The following TMOD3 variants were observed in gnomAD, a reference collection of about 807,000 sequenced individuals.
TMOD3 encodes tropomodulin 3.
A neutral mutation model predicts 39.2 loss-of-function variants in TMOD3; 20 were observed. The ratio of observed to expected loss-of-function variants is 0.51; its 90% CI spans 0.36 to 0.74. The LOEUF is 0.74. TMOD3 is among the 30% of genes least tolerant of loss of function. TMOD3 has a pLI of 0.00. For missense variants in TMOD3, 381 were observed against 412.8 expected (o/e 0.92, Z 0.67); for synonymous variants, 143 against 145.8 (o/e 0.98, Z 0.14).
At position 51,910,311 on chromosome 15, in the gene TMOD3, A is replaced by C. The variant is rs1694440449; in HGVS notation, c.*1501A>C. The stretch of plus-strand genomic sequence containing the variant: ...CTTTTTGGGCCGGGCGCAGTGGCTC[A>C]CGCCTGTAATCCCAGCACTTTTGGG... On this transcript the variant is annotated 3_prime_UTR_variant, in exon 10 of 10. Coordinates refer to ENST00000308580, the MANE Select transcript of TMOD3 (RefSeq NM_014547.5). 1 of 152,292 alleles carries C rather than the reference A, an allele frequency of 6.6e-6. No individual in the cohort carries two copies. The highest frequency in any genetic ancestry group is 2.4e-5 in the African/African-American group (1 of 41,450). The allele number at this position is 152,292 out of a possible 1,614,324, so 9.4% of individuals were successfully genotyped here.
At chr15:51,858,456 A>G (rs1185635718) in intron 1 of TMOD3, 1 of 152,044 alleles carries the variant, frequency 6.6e-6, no homozygotes. Flanking sequence ...CAAGATAACC[A>G]GTAAACCAGA....
At chr15:51,869,430 G>A (rs1341074817) in intron 3 of TMOD3, 57 bp downstream of exon 3, 3 of 1,538,550 alleles carry the variant, frequency 1.9e-6, no homozygotes, top group African/African-American at 2.8e-5. Flanking sequence ...TCTTTTTATA[G>A]GTGGGTGTGG....
chr15:51,888,008 GCTAGAAGCTGTC>G (rs1329531120), intron 4 of TMOD3, among the ~76,000 whole-genome samples: 7 of 152,176 alleles, frequency 4.6e-5, no homozygotes, highest in Admixed American at 2.6e-4. Context: ...CTGGTGCTCA[GCTAGAAGCTGTC>G]CTATCTGAAC....
intron 3 of TMOD3, among the ~76,000 whole-genome samples, chr15:51,873,613 C>T (rs1049462178): frequency 6.6e-6 from 1 of 152,184 alleles, no homozygotes; most frequent in Non-Finnish European, 1.5e-5. Context: ...CAGTGTCATT[C>T]AGTTCCTTGA....
chr15:51,902,987 T>C (rs1320894189), intron 9 of TMOD3, among the ~76,000 whole-genome samples: 3 of 152,066 alleles, frequency 2.0e-5, no homozygotes, highest in Non-Finnish European at 2.9e-5. Context: ...GGTTTCACCA[T>C]GTTGGCCAGG....
rs1179128253 is a variant in TMOD3, at chr15:51,869,366, A to T, written c.276A>T (p.Glu92Asp). ...AAGACTATGTGCCCTACACTGGAGA[A>T]AAAAAAGGTAAGCCCCAGAATTTTA... is the stretch of plus-strand genomic sequence containing the variant. ...DREDYVPYTG[E>D]KKGKIFIPKQ... is the part of the protein sequence containing the mutation. The change falls in exon 3 of 10, where the codon GAA (glutamate) becomes GAT (aspartate). Residue 92 changes from glutamate to aspartate, a missense_variant. Glu to Asp is a conservative substitution (Grantham distance 45). Coordinates refer to ENST00000308580, the MANE Select transcript of TMOD3 (RefSeq NM_014547.5). 1.9e-6 allele frequency: 3 copies of T among 1,609,784 alleles called. No homozygotes were observed. Among genetic ancestry groups the T allele is most frequent in the African/African-American group, 1.3e-5 (1 of 74,648 alleles).
At chr15:51,840,257 T>C (rs2570240) in intron 1 of TMOD3, among the ~76,000 whole-genome samples, 64,265 of 151,986 alleles carry the variant, frequency 0.42, 13,792 homozygotes, top group Admixed American at 0.52. Flanking sequence ...TCTCTTTAGT[T>C]TCCAACTCTC....
intron 9 of TMOD3, among the ~76,000 whole-genome samples, chr15:51,902,978 G>A (rs963333664): frequency 2.6e-5 from 4 of 151,928 alleles, no homozygotes; most frequent in African/African-American, 7.3e-5. Context: ...TAGAAATGGG[G>A]TTTCACCATG....
chr15:51,885,225 TA>T (rs1419254608), intron 3 of TMOD3, among the ~76,000 whole-genome samples: 1 of 152,118 alleles, frequency 6.6e-6, no homozygotes. Context: ...CATATGGTCA[TA>T]AACATGATTT....
At chr15:51,868,774 C>T (rs1322497977) in intron 2 of TMOD3, among the ~76,000 whole-genome samples, 1 of 152,186 alleles carries the variant, frequency 6.6e-6, no homozygotes, top group East Asian at 1.9e-4. Context: ...GAATTCTAGA[C>T]TAGTCTGGCC....
chr15:51,877,552 C>T (rs756881917), intron 3 of TMOD3, among the ~76,000 whole-genome samples: 19 of 151,946 alleles, frequency 1.3e-4, no homozygotes, highest in African/African-American at 1.9e-4. Context: ...TGGTGGCGGG[C>T]GCCTGTAATC....
At chr15:51,895,487 T>A (rs1330024757) in intron 6 of TMOD3, among the ~76,000 whole-genome samples, 2 of 152,158 alleles carry the variant, frequency 1.3e-5, no homozygotes, top group African/African-American at 4.8e-5. Flanking sequence ...CCCAAACTGC[T>A]GGGATTACAG....
At chr15:51,839,043 T>A (rs2056300177) in intron 1 of TMOD3, among the ~76,000 whole-genome samples, 1 of 151,952 alleles carries the variant, frequency 6.6e-6, no homozygotes, top group Non-Finnish European at 1.5e-5. Context: ...CACAAGGAGG[T>A]TTGGGGTTGT....
chr15:51,911,532 A>G lies in TMOD3; in HGVS notation c.*2722A>G, dbSNP rs1331408251. The G allele has an allele frequency of 6.6e-6, 1 of 152,190 alleles. No homozygotes were observed. 9.4% of individuals were successfully genotyped at this position (152,190 alleles called of 1,614,324 possible). A position where few individuals can be genotyped will look rare whatever the true frequency, so the allele number is the denominator to read the frequency against. On this transcript the variant is annotated 3_prime_UTR_variant, in exon 10 of 10. Transcript: ENST00000308580. ...TTCTAAATTGCTCTAAAATTTTATA[A>G]TAAATAGATTAGGGTTTTGCAATAG...
chr15:51,883,136 T>A (rs1472655570), intron 3 of TMOD3, among the ~76,000 whole-genome samples: 1 of 152,128 alleles, frequency 6.6e-6, no homozygotes, highest in Non-Finnish European at 1.5e-5. Context: ...ACAGAAAAAT[T>A]ATATAAAGAG....
rs893411136 is a variant in TMOD3, at chr15:51,911,702, A to G, written c.*2892A>G. ...TATTACCCATTTTATAAAATGTTAT[A>G]CTCATATTTGTCTGAATTTTTCCAG... On this transcript the variant is annotated 3_prime_UTR_variant, in exon 10 of 10. Transcript: ENST00000308580. 1 of 152,170 alleles carries G rather than the reference A, an allele frequency of 6.6e-6. No individual in the cohort carries two copies. Among genetic ancestry groups the G allele is most frequent in the Non-Finnish European group, 1.5e-5 (1 of 68,024 alleles). 9.4% of individuals were successfully genotyped at this position (152,170 alleles called of 1,614,324 possible).
At chr15:51,837,123 C>G (rs775767231) in intron 1 of TMOD3, among the ~76,000 whole-genome samples, 8 of 151,922 alleles carry the variant, frequency 5.3e-5, no homozygotes, top group African/African-American at 9.7e-5. Flanking sequence ...TTTCCTTAAC[C>G]ATAGCATAGC....
In TMOD3 at chr15:51,896,369, A is replaced by C. The variant is rs762827255; in HGVS notation, c.628-50A>C. 3 of 1,331,164 alleles carry C rather than the reference A, an allele frequency of 2.3e-6. No homozygotes were observed. The African/African-American group carries it at 4.4e-5, about 20-fold the overall frequency. 82.5% of individuals were successfully genotyped at this position (1,331,164 alleles called of 1,614,324 possible). On this transcript the variant is annotated intron_variant, in intron 6 of 9. Coordinates refer to ENST00000308580, the MANE Select transcript of TMOD3 (RefSeq NM_014547.5). ...CATATATTTGATTAATGGAAACTAA[A>C]TATAATGAAAATTGAAATGTAATGA...
intron 1 of TMOD3, among the ~76,000 whole-genome samples, chr15:51,842,024 C>T (rs2056315115): frequency 6.6e-6 from 1 of 152,222 alleles, no homozygotes; most frequent in South Asian, 2.1e-4. Flanking sequence ...GATCCACCCA[C>T]CTTGGCCTCC....
Sources: allele counts gnomAD v4.1 joint callset (sites outside exome capture counted in the v4.1 genomes callset), GRCh38; gene constraint gnomAD v4.1.1; transcripts MANE v1.5; gene names NCBI Gene and HGNC (gene_info 2026-07-23, HGNC 2026-07-21).